EIF4ENIF1: variants seen among roughly 807,000 people sequenced by gnomAD.
EIF4ENIF1 encodes eukaryotic translation initiation factor 4E nuclear import factor 1.
A neutral mutation model predicts 110.5 loss-of-function variants in EIF4ENIF1; 23 were observed. The ratio of observed to expected loss-of-function variants is 0.21; its 90% CI spans 0.15 to 0.29. The LOEUF (loss-of-function observed/expected upper bound fraction) is 0.29. EIF4ENIF1 is among the 10% of genes least tolerant of loss of function. The pLI is 1.00. For synonymous variants in EIF4ENIF1, 440 were observed against 437.0 expected (o/e 1.01, Z -0.09); for missense variants, 1,031 against 1,221.1 (o/e 0.84, Z 2.32).
intron 6 of EIF4ENIF1, among the ~76,000 whole-genome samples, 189 bp from the exon 7 acceptor site, chr22:31,458,839 TTAA>T (rs1201305837): frequency 6.6e-6 from 1 of 151,958 alleles, no homozygotes; most frequent in African/African-American, 2.4e-5. Context: ...GAAAAAAGCC[TTAA>T]TAAAGCTAGA....
At chr22:31,492,810 C>A (rs2052296140), upstream of EIF4ENIF1, among the ~76,000 whole-genome samples, 1 of 152,176 alleles carries the variant, frequency 6.6e-6, no homozygotes, top group Admixed American at 6.5e-5. Context: ...TGGTTCACTG[C>A]AACCTCTGCC....
In EIF4ENIF1 at chr22:31,488,723, C is replaced by T. The variant is rs778895792; in HGVS notation, c.-5G>A. The T allele has an allele frequency of 8.7e-6, 14 of 1,613,816 alleles. No individual in the cohort carries two copies. In the East Asian group the frequency reaches 3.1e-4, roughly 36 times the overall value. On this transcript the variant is annotated 5_prime_UTR_variant, in exon 2 of 19. Coordinates refer to ENST00000330125, the MANE Select transcript of EIF4ENIF1 (RefSeq NM_019843.4). ...ACCCATACTTCTCCTATCCATGGCT[C>T]CTTGGTCTACAATGCTCTGCACCTG...
upstream of EIF4ENIF1, among the ~76,000 whole-genome samples, chr22:31,490,340 TC>T (rs781314566): frequency 6.6e-6 from 1 of 152,218 alleles, no homozygotes; most frequent in Non-Finnish European, 1.5e-5. Context: ...ATTGGGGTCT[TC>T]CGAGCCTTCC....
chr22:31,484,254 T>A (rs536348896), intron 2 of EIF4ENIF1, among the ~76,000 whole-genome samples: 1 of 152,210 alleles, frequency 6.6e-6, no homozygotes, highest in Non-Finnish European at 1.5e-5. Context: ...ATATTAACAT[T>A]TGCGAAACAA....
chr22:31,458,527 T>C lies in EIF4ENIF1; in HGVS notation c.911A>G (p.Asp304Gly). ...DAVLPEQSPGDFDFNEFFNLD... is the reference protein window; with the variant it reads ...DAVLPEQSPGGFDFNEFFNLD... Reference sequence around the variant, plus strand: ...GTTAAAGAACTCATTAAAGTCAAAGTCTCCTGGGGACTGCTCAGGCAAGAC... The same window carrying C: ...GTTAAAGAACTCATTAAAGTCAAAGCCTCCTGGGGACTGCTCAGGCAAGAC... The change falls in exon 7 of 19, where the codon GAC (aspartate) becomes GGC (glycine). Residue 304 changes from aspartate to glycine, a missense_variant. By Grantham distance (94) the Asp-to-Gly change is moderately conservative. Around this residue, in one of 3 missense-constraint regions of EIF4ENIF1, gnomAD observed 704 missense variants for 879.7 expected, o/e 0.80. Transcript: ENST00000330125. 1 of 1,611,782 alleles carries C rather than the reference T, an allele frequency of 6.2e-7. No homozygotes were observed. The highest frequency in any genetic ancestry group is 8.5e-7 in the Non-Finnish European group (1 of 1,178,296).
intron 16 of EIF4ENIF1, 30 bp from the exon 17 acceptor site, chr22:31,442,148 G>A: frequency 6.4e-7 from 1 of 1,551,054 alleles, no homozygotes; most frequent in Non-Finnish European, 8.8e-7. Context: ...AAATATTTTG[G>A]CAAACCTCTC....
In EIF4ENIF1 at chr22:31,462,859, A is replaced by C; in HGVS notation, c.787+73T>G. 6 of 1,496,476 alleles carry C rather than the reference A, an allele frequency of 4.0e-6. No homozygotes were observed. In the Admixed American group the frequency reaches 8.8e-5, roughly 22 times the overall value. 92.7% of individuals were successfully genotyped at this position (1,496,476 alleles called of 1,614,324 possible). A position where few individuals can be genotyped will look rare whatever the true frequency, so the allele number is the denominator to read the frequency against. On this transcript the variant is annotated intron_variant, in intron 6 of 18. Transcript: ENST00000330125. ...CGGCCTCCCAAAGTGTTGGGATTACAGGTGTGAGCCACCACGCCCAGCCTA... is the reference window on the plus strand; with the variant it reads ...CGGCCTCCCAAAGTGTTGGGATTACCGGTGTGAGCCACCACGCCCAGCCTA...
At chr22:31,472,698 C>T (rs1182910970) in intron 2 of EIF4ENIF1, among the ~76,000 whole-genome samples, 1 of 152,040 alleles carries the variant, frequency 6.6e-6, no homozygotes, top group Admixed American at 6.5e-5. Flanking sequence ...AAAATTGATA[C>T]AGACATTTGT....
At chr22:31,478,653 T>G (rs1256562642) in intron 2 of EIF4ENIF1, among the ~76,000 whole-genome samples, 1 of 122,096 alleles carries the variant, frequency 8.2e-6, no homozygotes, top group African/African-American at 3.2e-5. Flanking sequence ...CTGTCTCTAC[T>G]GAAAATACAA....
chr22:31,488,483 G>T, intron 2 of EIF4ENIF1, 140 bp downstream of exon 2: 1 of 1,293,488 alleles, frequency 7.7e-7, no homozygotes. Flanking sequence ...TCAAAGTAAT[G>T]CACTACTAAA....
At chr22:31,447,700 G>T in intron 13 of EIF4ENIF1, 135 bp from the exon 14 acceptor site, 1 of 929,180 alleles carries the variant, frequency 1.1e-6, no homozygotes, top group Non-Finnish European at 1.6e-6. Context: ...TGACTAGATT[G>T]TGCTGCCATC....
chr22:31,451,376 C>G (rs1036638467), intron 10 of EIF4ENIF1: 4 of 152,262 alleles, frequency 2.6e-5, no homozygotes, highest in Non-Finnish European at 5.9e-5. Flanking sequence ...AGGGTTCAAG[C>G]AATTCTCCTG....
chr22:31,462,983 C>T lies in EIF4ENIF1; in HGVS notation c.736G>A (p.Asp246Asn). Residue 246 changes from aspartate to asparagine, a missense_variant, in exon 6 of 19, where the codon GAT becomes AAT. This residue lies in a region of EIF4ENIF1 where 704 missense variants were observed against 879.7 expected (regional missense o/e 0.80). Coordinates refer to ENST00000330125, the MANE Select transcript of EIF4ENIF1 (RefSeq NM_019843.4). ...TGFDDKILEEDHKGRKRTRRR... is the reference protein window; with the variant it reads ...TGFDDKILEENHKGRKRTRRR... ...CTTGTTCTTTTTCTCCCTTTGTGATCTTCTTCTAGTATCTTATCATCAAAG... is the reference window on the plus strand; with the variant it reads ...CTTGTTCTTTTTCTCCCTTTGTGATTTTCTTCTAGTATCTTATCATCAAAG... The T allele has an allele frequency of 1.2e-6, 2 of 1,614,126 alleles. No individual in the cohort carries two copies. Among genetic ancestry groups the T allele is most frequent in the Non-Finnish European group, 1.7e-6 (2 of 1,180,012 alleles).
Position 31,454,180 on chromosome 22 carries a change from C to T in EIF4ENIF1, c.1476G>A (p.Lys492=). Residue 492 remains lysine, a synonymous_variant, in exon 10 of 19, where the codon AAG becomes AAA. Transcript: ENST00000330125. The part of the protein sequence containing the change: ...TAFNKLVSTM[K]ASGTLPSQPK... ...GCTGAGAAGGCAAAGTCCCACTTGCCTTCATTGTGCTCACTAGCTTGTTGA... is the reference window on the plus strand; with the variant it reads ...GCTGAGAAGGCAAAGTCCCACTTGCTTTCATTGTGCTCACTAGCTTGTTGA... 4 of 1,614,202 alleles carry T rather than the reference C, an allele frequency of 2.5e-6. No individual in the cohort carries two copies. The highest frequency in any genetic ancestry group is 3.4e-6 in the Non-Finnish European group (4 of 1,180,034).
intron 2 of EIF4ENIF1, among the ~76,000 whole-genome samples, chr22:31,487,214 T>G (rs1352186400): frequency 6.6e-6 from 1 of 152,214 alleles, no homozygotes; most frequent in East Asian, 1.9e-4. Context: ...AGAAAATATA[T>G]TTGGGAAGAC....
chr22:31,489,243 T>C (rs1303742318), intron 1 of EIF4ENIF1: 1 of 153,130 alleles, frequency 6.5e-6, no homozygotes, highest in Non-Finnish European at 1.5e-5. Flanking sequence ...CCTGTGGCCA[T>C]GTCAGGGGCG....
chr22:31,484,408 C>G (rs2051940464), intron 2 of EIF4ENIF1, among the ~76,000 whole-genome samples: 1 of 152,132 alleles, frequency 6.6e-6, no homozygotes, highest in Non-Finnish European at 1.5e-5. Context: ...CTAACATTAT[C>G]CCAGAAAGCA....
At chr22:31,451,647 T>TAG (rs2050679404) in intron 10 of EIF4ENIF1, among the ~76,000 whole-genome samples, 1 of 151,656 alleles carries the variant, frequency 6.6e-6, no homozygotes, top group African/African-American at 2.4e-5. Flanking sequence ...CCTCCACTCT[T>TAG]AAAGCAGTAG....
chr22:31,482,664 AGAGT>A (rs2051861931), intron 2 of EIF4ENIF1, among the ~76,000 whole-genome samples: 1 of 150,554 alleles, frequency 6.6e-6, no homozygotes, highest in African/African-American at 2.4e-5. Flanking sequence ...CCTGGGTGAC[AGAGT>A]GAGACGCGGT....
Sources: allele counts gnomAD v4.1 joint callset (sites outside exome capture counted in the v4.1 genomes callset), GRCh38; gene constraint gnomAD v4.1.1; regional missense constraint gnomAD v4.1.1; transcripts MANE v1.5; gene names NCBI Gene and HGNC (gene_info 2026-07-23, HGNC 2026-07-21).